The following MAPK9 variants were observed in gnomAD, a reference collection of about 807,000 sequenced individuals.
The protein encoded by MAPK9 is Jun kinase.
Under a neutral mutation model 57.1 loss-of-function variants are expected in MAPK9, and 30 were observed. The ratio of observed to expected loss-of-function variants is 0.53; its 90% CI spans 0.39 to 0.71. The LOEUF (loss-of-function observed/expected upper bound fraction) is 0.71, where lower values mean the gene tolerates loss of function less well. Among genes scored for constraint, MAPK9 ranks in the 30% least tolerant of loss-of-function variants. MAPK9 has a pLI of 0.00. For synonymous variants in MAPK9, 155 were observed against 177.0 expected (o/e 0.88, Z 0.99); for missense variants, 362 against 521.0 (o/e 0.69, Z 2.97).
At chr5:180,248,153 C>T (rs1280503087) in intron 6 of MAPK9, among the ~76,000 whole-genome samples, 1 of 152,244 alleles carries the variant, frequency 6.6e-6, no homozygotes, top group Non-Finnish European at 1.5e-5. Flanking sequence ...CAGGTGAGGC[C>T]CTGCTAGAGG....
chr5:180,256,039 A>C (rs954570588), intron 5 of MAPK9, among the ~76,000 whole-genome samples: 1 of 152,234 alleles, frequency 6.6e-6, no homozygotes. Flanking sequence ...TGTAAGTTCA[A>C]AAGGACATAA....
chr5:180,280,546 A>G lies in MAPK9; in HGVS notation c.16T>C (p.Cys6Arg). ...TGCACACTATAAAACTGACTGTCACATTTACTGTCGCTCATGATGCAGCGT... is the reference window on the plus strand; with the variant it reads ...TGCACACTATAAAACTGACTGTCACGTTTACTGTCGCTCATGATGCAGCGT... Reference protein sequence around the residue: MSDSKCDSQFYSVQVA... With the variant: MSDSKRDSQFYSVQVA... The change falls in exon 2 of 12, where the codon TGT becomes CGT. Residue 6 changes from cysteine (C) to arginine (R), a missense_variant. Physicochemically the swap from Cys to Arg is radical, Grantham distance 180 (BLOSUM62 -3). Transcript: ENST00000452135. The G allele has an allele frequency of 6.2e-7, 1 of 1,614,072 alleles. No homozygotes were observed. The highest frequency in any genetic ancestry group is 1.1e-5 in the South Asian group (1 of 91,042).
chr5:180,271,523 A>C (rs910262395), intron 2 of MAPK9, among the ~76,000 whole-genome samples: 1 of 152,066 alleles, frequency 6.6e-6, no homozygotes, highest in Non-Finnish European at 1.5e-5. Context: ...CGCTTCTTCA[A>C]CTCTGAAGGG....
At chr5:180,274,774 C>A (rs1009648969) in intron 2 of MAPK9, among the ~76,000 whole-genome samples, 2 of 152,192 alleles carry the variant, frequency 1.3e-5, no homozygotes, top group African/African-American at 4.8e-5. Flanking sequence ...TTGTTTTAAA[C>A]AACTAAGTTT....
Position 180,253,039 on chromosome 5 carries a change from G to A in MAPK9, c.451-3901C>T, listed in dbSNP as rs114162587. 4.0e-3 allele frequency among the ~76,000 whole-genome samples: 615 copies of A among 152,338 alleles called. 3 individuals are homozygous for A. Among genetic ancestry groups the A allele is most frequent in the Middle Eastern group, 0.027 (8 of 294 alleles). The stretch of plus-strand genomic sequence containing the variant: ...CACTCCTTGGTCTCCCGCCACAGGA[G>A]TGAGAGTGACAGATGGCCCAGTGTG... On this transcript the variant is annotated intron_variant, in intron 5 of 11. Coordinates refer to ENST00000452135, the MANE Select transcript of MAPK9 (RefSeq NM_002752.5).
At chr5:180,252,446 G>T (rs948169341) in intron 5 of MAPK9, among the ~76,000 whole-genome samples, 1 of 152,284 alleles carries the variant, frequency 6.6e-6, no homozygotes, top group South Asian at 2.1e-4. Flanking sequence ...GAGTTAGACT[G>T]GGATGCAAGA....
intron 5 of MAPK9, among the ~76,000 whole-genome samples, chr5:180,260,246 C>T (rs772757048): frequency 3.2e-4 from 49 of 152,092 alleles, no homozygotes; most frequent in Non-Finnish European, 3.2e-4. Flanking sequence ...TGTTTCTCTC[C>T]GGCACATTGA....
intron 1 of MAPK9, among the ~76,000 whole-genome samples, chr5:180,283,843 G>A (rs1251991558): frequency 6.6e-6 from 1 of 152,214 alleles, no homozygotes; most frequent in Non-Finnish European, 1.5e-5. Context: ...GGCTGATGCA[G>A]GAGAATCATT....
chr5:180,238,178 GAGAA>G, intron 11 of MAPK9, 150 bp downstream of exon 11: 1 of 521,912 alleles, frequency 1.9e-6, no homozygotes, highest in Non-Finnish European at 3.5e-6. Flanking sequence ...GCTGAGGCAG[GAGAA>G]TTGCTTGAAC....
At chr5:180,259,039 A>G (rs1203829866) in intron 5 of MAPK9, among the ~76,000 whole-genome samples, 1 of 152,072 alleles carries the variant, frequency 6.6e-6, no homozygotes, top group Non-Finnish European at 1.5e-5. Flanking sequence ...GTTTCAAAAA[A>G]AAAAAAAAAA....
At chr5:180,243,914 C>T (rs1471045799) in intron 7 of MAPK9, among the ~76,000 whole-genome samples, 1 of 152,198 alleles carries the variant, frequency 6.6e-6, no homozygotes. Context: ...GTGGCATGAT[C>T]TCGGCTGACT....
chr5:180,283,213 A>G (rs1762466211), intron 1 of MAPK9, among the ~76,000 whole-genome samples: 1 of 152,196 alleles, frequency 6.6e-6, no homozygotes, highest in Non-Finnish European at 1.5e-5. Flanking sequence ...CAGCTTTCCC[A>G]GCAGCCAGGT....
chr5:180,284,748 CT>C (rs1319831777), intron 1 of MAPK9, among the ~76,000 whole-genome samples: 1 of 152,204 alleles, frequency 6.6e-6, no homozygotes, highest in Non-Finnish European at 1.5e-5. Context: ...AAAATGCACA[CT>C]GTGGATGGAC....
intron 8 of MAPK9, 45 bp from the exon 9 acceptor site, chr5:180,241,200 A>G (rs1039251961): frequency 6.4e-7 from 1 of 1,557,294 alleles, no homozygotes; most frequent in Non-Finnish European, 8.8e-7. Flanking sequence ...AATATGAAAC[A>G]AACAGAATCA....
intron 1 of MAPK9, among the ~76,000 whole-genome samples, chr5:180,288,161 T>C (rs1186874043): frequency 6.6e-6 from 1 of 152,234 alleles, no homozygotes; most frequent in East Asian, 1.9e-4. Flanking sequence ...TGACGAAGCC[T>C]CGTCTAGATC....
rs189912532 is a variant in MAPK9, at chr5:180,268,026, A to G, written c.252+1254T>C. On this transcript the variant is annotated intron_variant, in intron 3 of 11. Transcript: ENST00000452135. ...TTTTTAGTAGAGATGGGGTTTCACC[A>G]TGTTAGCCAGGATGGTCTCTATCTC... 1.3e-3 allele frequency among the ~76,000 whole-genome samples: 199 copies of G among 152,054 alleles called. 2 individuals are homozygous for G. Among genetic ancestry groups the G allele is most frequent in the East Asian group, 5.2e-3 (27 of 5,144 alleles).
intron 1 of MAPK9, among the ~76,000 whole-genome samples, chr5:180,291,611 A>G (rs1763243876): frequency 6.6e-6 from 1 of 151,848 alleles, no homozygotes; most frequent in Non-Finnish European, 1.5e-5. Flanking sequence ...CGCAGACCCC[A>G]CGGGCAGGTC....
chr5:180,238,957 G>A (rs1029333165), intron 10 of MAPK9, among the ~76,000 whole-genome samples: 1 of 152,138 alleles, frequency 6.6e-6, no homozygotes, highest in Non-Finnish European at 1.5e-5. Flanking sequence ...AAACATGTAG[G>A]GTGGTTCTGG....
At chr5:180,267,467 C>A (rs1365989147) in intron 3 of MAPK9, among the ~76,000 whole-genome samples, 3 of 146,098 alleles carry the variant, frequency 2.1e-5, no homozygotes, top group African/African-American at 7.6e-5. Context: ...GAGGCTGAGG[C>A]AGGAGAATGG....
Sources: gnomAD v4.1 joint callset for allele counts (sites outside exome capture counted in the v4.1 genomes callset) on GRCh38, gnomAD v4.1.1 for gene constraint, MANE v1.5 for transcripts, NCBI Gene and HGNC (gene_info 2026-07-23, HGNC 2026-07-21) for gene names.